The following UVRAG variants were observed in gnomAD, a reference collection of about 807,000 sequenced individuals.
UVRAG encodes the protein UV radiation resistance-associated gene protein.
In UVRAG, 19 loss-of-function variants were observed where a neutral mutation model predicts 78.0. The observed-to-expected ratio is 0.24, with a 90% CI of 0.17 to 0.36. The LOEUF (loss-of-function observed/expected upper bound fraction) is 0.36. Among genes scored for constraint, UVRAG ranks in the 10% least tolerant of loss-of-function variants. The pLI is 1.00. For synonymous variants in UVRAG, 323 were observed against 324.6 expected (o/e 1.00, Z 0.05); for missense variants, 740 against 853.8 (o/e 0.87, Z 1.66).
At chr11:75,995,859 T>A (rs1949696777) in intron 8 of UVRAG, among the ~76,000 whole-genome samples, 1 of 152,100 alleles carries the variant, frequency 6.6e-6, no homozygotes, top group Non-Finnish European at 1.5e-5. Context: ...AATAACCATC[T>A]GACAGAAATT....
At chr11:76,051,082 G>T (rs1018813354) in intron 12 of UVRAG, among the ~76,000 whole-genome samples, 2 of 152,134 alleles carry the variant, frequency 1.3e-5, no homozygotes, top group African/African-American at 4.8e-5. Flanking sequence ...ATAGAATTAG[G>T]TGTCCTGATA....
intron 1 of UVRAG, 114 bp from the exon 2 acceptor site, chr11:75,851,769 A>C (rs1211380597): frequency 1.2e-6 from 1 of 800,394 alleles, no homozygotes; most frequent in East Asian, 2.5e-5. Context: ...TTTCTGGCTC[A>C]ATAAATAAAT....
intron 11 of UVRAG, among the ~76,000 whole-genome samples, chr11:76,009,356 G>A (rs1001054730): frequency 6.6e-6 from 1 of 152,016 alleles, no homozygotes; most frequent in African/African-American, 2.4e-5. Context: ...TAAAAATAAA[G>A]AAAGAAATTA....
In UVRAG at chr11:75,949,735, A is replaced by G. The variant is rs192472925; in HGVS notation, c.594-11709A>G. ...TATATACACACACACACACACATATACACATATATATATACACACATATGT... is the reference window on the plus strand; with the variant it reads ...TATATACACACACACACACACATATGCACATATATATATACACACATATGT... On this transcript the variant is annotated intron_variant, in intron 6 of 14. Coordinates refer to ENST00000356136, the MANE Select transcript of UVRAG (RefSeq NM_003369.4). 5.0e-3 allele frequency among the ~76,000 whole-genome samples: 739 copies of G among 148,302 alleles called. 7 individuals carry two copies. Among genetic ancestry groups the G allele is most frequent in the African/African-American group, 0.018 (695 of 39,378 alleles).
In UVRAG at chr11:76,141,132, G is replaced by A. The variant is rs755081537; in HGVS notation, c.1819G>A (p.Gly607Arg). ...NGTLLPSEQAGSASVQLPGEF... is the reference protein window; with the variant it reads ...NGTLLPSEQARSASVQLPGEF... ...CACTCTCCTACCCAGCGAGCAGGCC[G>A]GGTCCGCCAGTGTCCAGCTTCCAGG... Residue 607 changes from glycine (G) to arginine (R), a missense_variant, in exon 15 of 15, where the codon GGG becomes AGG. Gly to Arg is a moderately radical substitution (Grantham distance 125). Transcript: ENST00000356136. 30 of 1,614,002 alleles carry A rather than the reference G, an allele frequency of 1.9e-5. No individual in the cohort carries two copies. Among genetic ancestry groups the A allele is most frequent in the Middle Eastern group, 1.6e-4 (1 of 6,084 alleles).
chr11:76,009,593 T>C (rs932447621), intron 11 of UVRAG, among the ~76,000 whole-genome samples: 2 of 152,184 alleles, frequency 1.3e-5, no homozygotes, highest in Non-Finnish European at 2.9e-5. Flanking sequence ...ACTTGAGAAG[T>C]TACTAAAGAA....
At chr11:75,941,635 A>T (rs1256426989) in intron 6 of UVRAG, among the ~76,000 whole-genome samples, 2 of 152,124 alleles carry the variant, frequency 1.3e-5, no homozygotes, top group Admixed American at 1.3e-4. Flanking sequence ...CAGGCTAGGG[A>T]TGGTCAACCT....
chr11:76,076,333 C>T (rs770539675), intron 13 of UVRAG, among the ~76,000 whole-genome samples: 4 of 152,152 alleles, frequency 2.6e-5, no homozygotes, highest in African/African-American at 4.8e-5. Context: ...GGAGGCCTCA[C>T]GATCATGGTA....
chr11:75,944,152 T>C (rs761841782), intron 6 of UVRAG, among the ~76,000 whole-genome samples: 1 of 152,126 alleles, frequency 6.6e-6, no homozygotes, highest in African/African-American at 2.4e-5. Flanking sequence ...CCTTAATGAC[T>C]TTGAAAAGCT....
intron 12 of UVRAG, among the ~76,000 whole-genome samples, chr11:76,046,854 T>C (rs1365619746): frequency 3.3e-5 from 5 of 152,206 alleles, no homozygotes; most frequent in Non-Finnish European, 4.4e-5. Context: ...CTTGGAGGTC[T>C]AGGAATGGAG....
intron 12 of UVRAG, among the ~76,000 whole-genome samples, chr11:76,022,085 T>A (rs886590022): frequency 6.6e-6 from 1 of 152,178 alleles, no homozygotes; most frequent in African/African-American, 2.4e-5. Context: ...TTTCACATAT[T>A]TGTGAATTTT....
Position 75,879,862 on chromosome 11 carries a change from T to G in UVRAG, c.271-17T>G, listed in dbSNP as rs1946898672. The stretch of plus-strand genomic sequence containing the variant: ...AAATAGAGTTGTCCTAAAGCGTGTT[T>G]TCATTTTCATGAGCAGAATCCCACG... On this transcript the variant is annotated splice_polypyrimidine_tract_variant and intron_variant, in intron 3 of 14. Coordinates refer to ENST00000356136, the MANE Select transcript of UVRAG (RefSeq NM_003369.4). The G allele has an allele frequency of 6.2e-7, 1 of 1,611,884 alleles. No individual in the cohort carries two copies. Among genetic ancestry groups the G allele is most frequent in the Non-Finnish European group, 8.5e-7 (1 of 1,178,316 alleles).
intron 11 of UVRAG, among the ~76,000 whole-genome samples, chr11:76,012,200 G>A (rs1950062172): frequency 6.6e-6 from 1 of 151,174 alleles, no homozygotes. Context: ...TAGAAAATAA[G>A]AAAGGGAAAT....
chr11:75,895,275 G>A (rs2134958225), intron 5 of UVRAG, among the ~76,000 whole-genome samples: 1 of 152,202 alleles, frequency 6.6e-6, no homozygotes, highest in South Asian at 2.1e-4. Context: ...TACTCCCTCT[G>A]TCTACATTAT....
intron 3 of UVRAG, among the ~76,000 whole-genome samples, chr11:75,877,169 A>G (rs963633726): frequency 1.2e-4 from 18 of 151,970 alleles, no homozygotes; most frequent in Admixed American, 4.6e-4. Flanking sequence ...TTGGGGGGTA[A>G]GGTCACAGAT....
At chr11:75,830,485 A>G (rs1945631198) in intron 1 of UVRAG, among the ~76,000 whole-genome samples, 1 of 151,692 alleles carries the variant, frequency 6.6e-6, no homozygotes, top group Non-Finnish European at 1.5e-5. Context: ...GTTAGCCAGG[A>G]TGGTGTCCAT....
intron 5 of UVRAG, among the ~76,000 whole-genome samples, chr11:75,899,090 A>G (rs1041388309): frequency 1.3e-5 from 2 of 152,122 alleles, no homozygotes; most frequent in Non-Finnish European, 2.9e-5. Context: ...TCCTATGCAT[A>G]TTCTGTTTGG....
intron 6 of UVRAG, among the ~76,000 whole-genome samples, chr11:75,954,033 T>C (rs1948750605): frequency 6.6e-6 from 1 of 152,214 alleles, no homozygotes; most frequent in African/African-American, 2.4e-5. Flanking sequence ...CTTTTTTAGT[T>C]AGTCCTTCAC....
chr11:76,005,882 A>C (rs987287592), intron 9 of UVRAG, among the ~76,000 whole-genome samples: 2 of 152,228 alleles, frequency 1.3e-5, no homozygotes, highest in Admixed American at 6.5e-5. Flanking sequence ...GAAGGCATGC[A>C]TAGGGCAAGG....
Sources: gnomAD v4.1 joint callset for allele counts (sites outside exome capture counted in the v4.1 genomes callset) on GRCh38, gnomAD v4.1.1 for gene constraint, MANE v1.5 for transcripts, NCBI Gene and HGNC (gene_info 2026-07-23, HGNC 2026-07-21) for gene names.